Variants in GHR observed in about 807,000 individuals in gnomAD.
GHR encodes GH receptor.
In GHR, 35 loss-of-function variants were observed where a neutral mutation model predicts 67.1. The observed-to-expected ratio is 0.52, with a 90% CI of 0.40 to 0.69. The LOEUF is 0.69. GHR is among the 30% of genes least tolerant of loss of function. The pLI, the probability that GHR is intolerant of heterozygous loss-of-function variation, is 0.00. For missense variants in GHR, 792 were observed against 764.6 expected, an observed-to-expected ratio of 1.04 and a Z score of -0.42; for synonymous variants, 272 against 269.1, an observed-to-expected ratio of 1.01 and a Z score of -0.10.
At chr5:42,455,203 C>G (rs1234793739) in intron 1 of GHR, among the ~76,000 whole-genome samples, 1 of 152,114 alleles carries the variant, frequency 6.6e-6, no homozygotes, top group African/African-American at 2.4e-5. Context: ...GCAGGTTTTC[C>G]CCCATTCACA....
chr5:42,479,012 G>T (rs1321953138), intron 1 of GHR, among the ~76,000 whole-genome samples: 1 of 152,136 alleles, frequency 6.6e-6, no homozygotes, highest in Non-Finnish European at 1.5e-5. Flanking sequence ...TATGATATTG[G>T]CTGTGAGTTT....
chr5:42,588,642 T>C (rs1217916573), intron 2 of GHR, among the ~76,000 whole-genome samples: 1 of 152,056 alleles, frequency 6.6e-6, no homozygotes, highest in African/African-American at 2.4e-5. Flanking sequence ...TTTTAATCCA[T>C]TGGTTGACTC....
chr5:42,572,311 A>G (rs1335663499), intron 2 of GHR, among the ~76,000 whole-genome samples: 6 of 152,126 alleles, frequency 3.9e-5, no homozygotes, highest in Non-Finnish European at 8.8e-5. Context: ...AGCAGCCACA[A>G]CAAAAGGGTG....
intron 3 of GHR, among the ~76,000 whole-genome samples, chr5:42,667,684 C>T (rs536991200): frequency 6.6e-6 from 1 of 152,280 alleles, no homozygotes; most frequent in East Asian, 1.9e-4. Context: ...GGAAAGGCAT[C>T]TCAAGTTTTA....
chr5:42,679,753 A>G (rs906613831), intron 3 of GHR, among the ~76,000 whole-genome samples: 2 of 152,118 alleles, frequency 1.3e-5, no homozygotes, highest in African/African-American at 2.4e-5. Flanking sequence ...TCTATTCAGT[A>G]GTGAGAATAA....
At chr5:42,488,329 C>G (rs1229090636) in intron 1 of GHR, among the ~76,000 whole-genome samples, 1 of 152,188 alleles carries the variant, frequency 6.6e-6, no homozygotes. Context: ...ATATAGGTAA[C>G]ATTTTCAAAG....
At chr5:42,542,766 CT>C (rs905910139) in intron 1 of GHR, among the ~76,000 whole-genome samples, 4 of 152,022 alleles carry the variant, frequency 2.6e-5, no homozygotes, top group Non-Finnish European at 4.4e-5. Context: ...CAATATACAC[CT>C]TTTTTTATCC....
At chr5:42,574,594 T>C (rs931014738) in intron 2 of GHR, among the ~76,000 whole-genome samples, 6 of 152,204 alleles carry the variant, frequency 3.9e-5, no homozygotes, top group African/African-American at 1.2e-4. Flanking sequence ...GGCAAAAGTA[T>C]AAGTGCTCCC....
chr5:42,693,571 C>T (rs1356290157), intron 4 of GHR, among the ~76,000 whole-genome samples: 1 of 152,184 alleles, frequency 6.6e-6, no homozygotes, highest in Admixed American at 6.5e-5. Context: ...TCTGATACTA[C>T]ACAAGTTTTC....
chr5:42,473,973 AG>A (rs1352979375), intron 1 of GHR, among the ~76,000 whole-genome samples: 1 of 139,442 alleles, frequency 7.2e-6, no homozygotes, highest in Non-Finnish European at 1.6e-5. Context: ...GGATCACTTG[AG>A]GTCAGGAGTT....
chr5:42,498,196 T>A (rs974528395), intron 1 of GHR, among the ~76,000 whole-genome samples: 2 of 152,206 alleles, frequency 1.3e-5, no homozygotes, highest in African/African-American at 4.8e-5. Context: ...CTCTTTCATA[T>A]GCCTAGAGCC....
At chr5:42,682,756 T>C (rs1331757329) in intron 3 of GHR, among the ~76,000 whole-genome samples, 1 of 152,248 alleles carries the variant, frequency 6.6e-6, no homozygotes, top group Non-Finnish European at 1.5e-5. Context: ...TTTTAAGTTC[T>C]GATATATTAA....
rs1757293271 is a variant in GHR, at chr5:42,688,989, T to C, written c.236T>C (p.Leu79Pro). ...TDEVHHGTKN[L>P]GPIQLFYTRR... ...GAGGTTCATCATGGTACAAAGAACCTAGGACCCATACAGCTGTTCTATACC... is the reference window on the plus strand; with the variant it reads ...GAGGTTCATCATGGTACAAAGAACCCAGGACCCATACAGCTGTTCTATACC... Residue 79 changes from leucine to proline, a missense_variant, in exon 4 of 10, where the codon CTA becomes CCA. Coordinates refer to ENST00000230882, the MANE Select transcript of GHR (RefSeq NM_000163.5). 2 of 1,613,762 alleles carry C rather than the reference T, an allele frequency of 1.2e-6. No individual in the cohort carries two copies. Among genetic ancestry groups the C allele is most frequent in the South Asian group, 1.1e-5 (1 of 91,092 alleles).
chr5:42,500,239 C>G (rs1415070060), intron 1 of GHR, among the ~76,000 whole-genome samples: 4 of 152,120 alleles, frequency 2.6e-5, no homozygotes, highest in Non-Finnish European at 5.9e-5. Context: ...GACAGTGGGC[C>G]CAGAAGTTAT....
Position 42,718,639 on chromosome 5 carries a change from G to A in GHR, c.1132G>A (p.Gly378Arg). ...CCATGAGAAATCACATAGTAACCTA[G>A]GGGTGAAGGATGGCGACTCTGGACG... ...SDHEKSHSNL[G>R]VKDGDSGRTS... Residue 378 changes from glycine (G) to arginine (R), a missense_variant, in exon 10 of 10, where the codon GGG (glycine) becomes AGG (arginine). Coordinates refer to ENST00000230882, the MANE Select transcript of GHR (RefSeq NM_000163.5). The A allele has an allele frequency of 6.2e-7, 1 of 1,614,110 alleles. No homozygotes were observed.
chr5:42,478,634 C>A (rs889910046), intron 1 of GHR, among the ~76,000 whole-genome samples: 1 of 152,088 alleles, frequency 6.6e-6, no homozygotes, highest in Non-Finnish European at 1.5e-5. Context: ...GTATTTTATT[C>A]TCTTTGAAGC....
intron 2 of GHR, among the ~76,000 whole-genome samples, chr5:42,609,198 A>G (rs966337031): frequency 1.3e-5 from 2 of 152,326 alleles, no homozygotes; most frequent in Middle Eastern, 3.4e-3. Context: ...CAGAAGTGAC[A>G]CTGAGCAGTG....
chr5:42,719,383 G>A lies in GHR; in HGVS notation c.1876G>A (p.Gly626Ser). The A allele has an allele frequency of 6.2e-7, 1 of 1,613,822 alleles. No individual in the cohort carries two copies. Among genetic ancestry groups the A allele is most frequent in the Non-Finnish European group, 8.5e-7 (1 of 1,179,856 alleles). ...LPDKEFLSSCGYVSTDQLNKI... is the reference protein window; with the variant it reads ...LPDKEFLSSCSYVSTDQLNKI... Reference sequence around the variant, plus strand: ...TGACAAAGAGTTTCTCTCATCATGTGGCTATGTGAGCACAGACCAACTGAA... The same window carrying A: ...TGACAAAGAGTTTCTCTCATCATGTAGCTATGTGAGCACAGACCAACTGAA... The change falls in exon 10 of 10, where the codon GGC (glycine) becomes AGC (serine). Residue 626 changes from glycine (G) to serine (S), a missense_variant. By Grantham distance (56) the Gly-to-Ser change is moderately conservative (BLOSUM62 0). Transcript: ENST00000230882.
At chr5:42,702,528 C>T (rs1757980125) in intron 6 of GHR, among the ~76,000 whole-genome samples, 1 of 152,016 alleles carries the variant, frequency 6.6e-6, no homozygotes, top group African/African-American at 2.4e-5. Flanking sequence ...GCTCAACATA[C>T]TGATTTCATT....
Sources: gnomAD v4.1 joint callset for allele counts (sites outside exome capture counted in the v4.1 genomes callset) on GRCh38, gnomAD v4.1.1 for gene constraint, MANE v1.5 for transcripts, NCBI Gene and HGNC (gene_info 2026-07-23, HGNC 2026-07-21) for gene names.